The following PNPLA2 variants were observed in gnomAD, a reference collection of about 807,000 sequenced individuals.
PNPLA2 encodes the protein patatin-like phospholipase domain-containing protein 2.
A neutral mutation model predicts 39.7 loss-of-function variants in PNPLA2; 28 were observed. The ratio of observed to expected loss-of-function variants is 0.70; its 90% CI spans 0.52 to 0.97. The LOEUF is 0.97. Among genes scored for constraint, PNPLA2 ranks in the 50% least tolerant of loss-of-function variants. The probability of loss-of-function intolerance (pLI) is 0.00; values close to 1 mark genes in which losing one functional copy is unlikely to be tolerated. For missense variants in PNPLA2, 768 were observed against 698.2 expected, an observed-to-expected ratio of 1.10 and a Z score of -1.13; for synonymous variants, 392 against 321.1, an observed-to-expected ratio of 1.22 and a Z score of -2.36.
intron 1 of PNPLA2, among the ~76,000 whole-genome samples, chr11:819,188 C>T (rs1397853535): frequency 6.6e-6 from 1 of 152,262 alleles, no homozygotes; most frequent in Non-Finnish European, 1.5e-5. Flanking sequence ...CGCCTCTGTC[C>T]AGGGACCAGC....
chr11:819,949 C>T (rs2133845529), intron 2 of PNPLA2, 44 bp downstream of exon 2: 1 of 1,278,696 alleles, frequency 7.8e-7, no homozygotes, highest in Non-Finnish European at 1.0e-6. Context: ...GGCGGGAAGG[C>T]CGTGCGGGGC....
Position 823,565 on chromosome 11 carries a change from C to T in PNPLA2, c.735C>T (p.Gly245=), listed in dbSNP as rs760492844. The change falls in exon 6 of 10, where the codon GGC becomes GGT. Residue 245 remains glycine, a synonymous_variant. Transcript: ENST00000336615. ...REMCKQGYRD[G]LRFLQRNGLL... is the part of the protein sequence containing the mutation. ...TGTGCAAGCAGGGATACCGGGATGGCCTGCGCTTTCTGCAGCGGAACGGTG... is the reference window on the plus strand; with the variant it reads ...TGTGCAAGCAGGGATACCGGGATGGTCTGCGCTTTCTGCAGCGGAACGGTG... 4.3e-6 allele frequency: 7 copies of T among 1,611,168 alleles called. No homozygotes were observed. In the Admixed American group the frequency reaches 8.4e-5, roughly 19 times the overall value.
Position 824,675 on chromosome 11 carries a change from T to C in PNPLA2, c.1328T>C (p.Leu443Pro). The change falls in exon 10 of 10, where the codon CTG becomes CCG. Residue 443 changes from leucine to proline, a missense_variant. Physicochemically the swap from Leu to Pro is moderately conservative, Grantham distance 98. Transcript: ENST00000336615. ...AAGTGGGAGGAGTGCCAGCGCCAGC[T>C]GCTGCTCGGCCTCTTCTGCACCAAC... is the stretch of plus-strand genomic sequence containing the variant. Reference protein sequence around the residue: ...LAKWEECQRQLLLGLFCTNVA... With the variant: ...LAKWEECQRQPLLGLFCTNVA... 1.9e-6 allele frequency: 3 copies of C among 1,597,100 alleles called. No homozygotes were observed. The highest frequency in any genetic ancestry group is 2.5e-6 in the Non-Finnish European group (3 of 1,177,920).
At chr11:824,188 C>T in intron 8 of PNPLA2, 58 bp downstream of exon 8, 12 of 1,559,486 alleles carry the variant, frequency 7.7e-6, no homozygotes, top group Non-Finnish European at 9.5e-6. Flanking sequence ...GGATCATCCG[C>T]GAGTGATGGT....
rs150271566 is a variant in PNPLA2 at position 823,944 on chromosome 11, C to G, written c.920-54C>G. 2.3e-4 allele frequency: 349 copies of G among 1,549,494 alleles called. 1 individual carries two copies. The East Asian group carries it at 8.2e-3, about 36-fold the overall frequency. On this transcript the variant is annotated intron_variant, in intron 7 of 9. Transcript: ENST00000336615. ...CGGTGAGCAGGGGAGGGAAGCCGAG[C>G]GGGTCCTGGGCCCCGCTGCCTCCAC...
intron 1 of PNPLA2, 102 bp from the exon 2 acceptor site, chr11:819,472 G>A: frequency 8.2e-7 from 1 of 1,214,832 alleles, no homozygotes; most frequent in East Asian, 3.6e-5. Context: ...GGTCCCGAGG[G>A]CACGGCCGTT....
At chr11:820,138 T>G (rs1222395876) in intron 2 of PNPLA2, among the ~76,000 whole-genome samples, 1 of 151,958 alleles carries the variant, frequency 6.6e-6, no homozygotes, top group East Asian at 1.9e-4. Context: ...GGCGCAAAGG[T>G]TTGGGGGCGG....
intron 1 of PNPLA2, 86 bp downstream of exon 1, chr11:819,044 T>G (rs1421909515): frequency 6.6e-6 from 1 of 152,312 alleles, no homozygotes; most frequent in African/African-American, 2.4e-5. Context: ...GGAGCTGGGG[T>G]CCCCCACGAA....
In PNPLA2 at chr11:824,689, T is replaced by C; in HGVS notation, c.1342T>C (p.Phe448Leu). 1 of 1,596,176 alleles carries C rather than the reference T, an allele frequency of 6.3e-7. No individual in the cohort carries two copies. The change falls in exon 10 of 10, where the codon TTC becomes CTC. Residue 448 changes from phenylalanine to leucine, a missense_variant. Phe to Leu is a conservative substitution (Grantham distance 22). Coordinates refer to ENST00000336615, the MANE Select transcript of PNPLA2 (RefSeq NM_020376.4). ...CCAGCGCCAGCTGCTGCTCGGCCTCTTCTGCACCAACGTGGCCTTCCCGCC... is the reference window on the plus strand; with the variant it reads ...CCAGCGCCAGCTGCTGCTCGGCCTCCTCTGCACCAACGTGGCCTTCCCGCC... ...ECQRQLLLGL[F>L]CTNVAFPPEA...
chr11:824,400 G>A lies in PNPLA2; in HGVS notation c.1139G>A (p.Arg380His), dbSNP rs372164277. 1.1e-5 allele frequency: 17 copies of A among 1,554,198 alleles called. No homozygotes were observed. Among genetic ancestry groups the A allele is most frequent in the African/African-American group, 6.8e-5 (5 of 73,304 alleles). ...TGSICQYLVM[R>H]AKRKLGRHLP... is the part of the protein sequence containing the mutation. ...AGCATCTGCCAGTACCTGGTGATGC[G>A]CGCCAAGAGGAAGCTGGGCAGGCAC... Residue 380 changes from arginine to histidine, a missense_variant, in exon 9 of 10, where the codon CGC becomes CAC. Coordinates refer to ENST00000336615, the MANE Select transcript of PNPLA2 (RefSeq NM_020376.4).
At chr11:819,253 G>A in intron 1 of PNPLA2, 2 of 206,732 alleles carry the variant, frequency 9.7e-6, no homozygotes, top group Non-Finnish European at 1.7e-5. Context: ...GGCGGTGGCT[G>A]CCCTGAAACC....
rs1590177111 is a variant in PNPLA2, at chr11:823,399, C to G, written c.697-128C>G. On this transcript the variant is annotated intron_variant, in intron 5 of 9. Coordinates refer to ENST00000336615, the MANE Select transcript of PNPLA2 (RefSeq NM_020376.4). The stretch of plus-strand genomic sequence containing the variant: ...GTACAGCTTTGATCTTGTTCTGGAT[C>G]TAGGATAGGTTTTGGGGTTGGGAGC... 37 of 834,526 alleles carry G rather than the reference C, an allele frequency of 4.4e-5. 1 individual carries two copies. In the South Asian group the frequency reaches 5.2e-4, roughly 12 times the overall value. The allele number at this position is 834,526 out of a possible 1,614,324, so 51.7% of individuals were successfully genotyped here. A position where few individuals can be genotyped will look rare whatever the true frequency, so the allele number is the denominator to read the frequency against.
At chr11:819,365 C>A in intron 1 of PNPLA2, 16 of 969,040 alleles carry the variant, frequency 1.7e-5, no homozygotes, top group Non-Finnish European at 2.0e-5. Context: ...GTGCCCCCAG[C>A]CGTGCCCAGC....
At chr11:821,495 G>A (rs1845662554) in intron 2 of PNPLA2, 133 bp from the exon 3 acceptor site, 6 of 729,642 alleles carry the variant, frequency 8.2e-6, no homozygotes, top group South Asian at 1.5e-5. Context: ...TCCCAACTGT[G>A]AGCCAGGCCC....
chr11:822,254 C>A (rs1845691274), intron 4 of PNPLA2, 143 bp from the exon 5 acceptor site: 1 of 843,400 alleles, frequency 1.2e-6, no homozygotes, highest in African/African-American at 1.7e-5. Context: ...CAGGCTGGCC[C>A]ACAGCCAGTG....
At chr11:819,552 C>A (rs919524231) in intron 1 of PNPLA2, 22 bp from the exon 2 acceptor site, 17 of 1,290,882 alleles carry the variant, frequency 1.3e-5, no homozygotes, top group Middle Eastern at 2.9e-4. Context: ...TTAAAAGCGC[C>A]GCCTCCGCGC....
rs759600415 is a variant in PNPLA2, at chr11:824,067, T to C, written c.989T>C (p.Leu330Pro). The C allele has an allele frequency of 3.1e-6, 5 of 1,609,172 alleles. No homozygotes were observed. The South Asian group carries it at 5.5e-5, about 18-fold the overall frequency. Reference protein sequence around the residue: ...TTLSNMLPVRLATAMMVPYTL... With the variant: ...TTLSNMLPVRPATAMMVPYTL... ...CTCTCCAACATGCTGCCTGTGCGTCTGGCCACGGCCATGATGGTGCCCTAC... is the reference window on the plus strand; with the variant it reads ...CTCTCCAACATGCTGCCTGTGCGTCCGGCCACGGCCATGATGGTGCCCTAC... The change falls in exon 8 of 10, where the codon CTG (leucine) becomes CCG (proline). Residue 330 changes from leucine (L) to proline (P), a missense_variant. Physicochemically the swap from Leu to Pro is moderately conservative, Grantham distance 98. Coordinates refer to ENST00000336615, the MANE Select transcript of PNPLA2 (RefSeq NM_020376.4).
chr11:822,820 C>CTCT (rs10544581), intron 5 of PNPLA2, among the ~76,000 whole-genome samples: 51,922 of 131,628 alleles, frequency 0.39, 12,903 homozygotes, highest in Non-Finnish European at 0.54. Flanking sequence ...GTCTCTCTCT[C>CTCT]TTTTTTTTTT....
chr11:821,716 G>A lies in PNPLA2; in HGVS notation c.276G>A (p.Lys92=). Residue 92 remains lysine, a synonymous_variant, in exon 3 of 10, where the codon AAG becomes AAA. Transcript: ENST00000336615. The part of the protein sequence containing the change: ...GPLHPSFNLV[K]IIRSFLLKVL... Reference sequence around the variant, plus strand: ...TGCACCCCTCCTTCAACCTGGTAAAGATCATCCGCAGTTTCCTGCTGAAGG... The same window carrying A: ...TGCACCCCTCCTTCAACCTGGTAAAAATCATCCGCAGTTTCCTGCTGAAGG... The A allele has an allele frequency of 6.2e-7, 1 of 1,614,010 alleles. No homozygotes were observed. The highest frequency in any genetic ancestry group is 8.5e-7 in the Non-Finnish European group (1 of 1,180,026).
Sources: gnomAD v4.1 joint callset for allele counts (sites outside exome capture counted in the v4.1 genomes callset) on GRCh38, gnomAD v4.1.1 for gene constraint, MANE v1.5 for transcripts, NCBI Gene and HGNC (gene_info 2026-07-23, HGNC 2026-07-21) for gene names.